HDGFL2: variants seen among roughly 807,000 people sequenced by gnomAD.
The protein encoded by HDGFL2 is HDGF like 2, also known as hepatoma-derived growth factor-related protein 2.
A neutral mutation model predicts 77.1 loss-of-function variants in HDGFL2; 36 were observed. The ratio of observed to expected loss-of-function variants is 0.47; its 90% CI spans 0.36 to 0.62. HDGFL2 has a LOEUF of 0.62. Ranked by LOEUF, HDGFL2 falls within the 20% of genes least tolerant of loss-of-function variation. The pLI, the probability that HDGFL2 is intolerant of heterozygous loss-of-function variation, is 0.00. For missense variants in HDGFL2, 976 were observed against 973.4 expected, an observed-to-expected ratio of 1.00 and a Z score of -0.04; for synonymous variants, 463 against 413.1, an observed-to-expected ratio of 1.12 and a Z score of -1.46.
intron 9 of HDGFL2, among the ~76,000 whole-genome samples, chr19:4,494,882 T>C (rs1975660115): frequency 6.6e-6 from 1 of 151,986 alleles, no homozygotes; most frequent in Non-Finnish European, 1.5e-5. Flanking sequence ...ATCAATCCAC[T>C]GCACTCCAGC....
chr19:4,494,706 G>A (rs78333770), intron 9 of HDGFL2, among the ~76,000 whole-genome samples: 3,724 of 152,088 alleles, frequency 0.024, 160 homozygotes, highest in African/African-American at 0.086. Flanking sequence ...GATTACTTGA[G>A]TCCAGCTCGA....
In HDGFL2 at chr19:4,488,578, G is replaced by A. The variant is rs180872286; in HGVS notation, c.289-98G>A. The stretch of plus-strand genomic sequence containing the variant: ...AGGAGACAACACGCCTGACATTCAG[G>A]ATCCCGCATGTGGTTGCCGTCCTCT... On this transcript the variant is annotated intron_variant, in intron 3 of 15. Transcript: ENST00000616600. The A allele has an allele frequency of 3.3e-3, 3,574 of 1,085,740 alleles. 12 individuals are homozygous for A. The highest frequency in any genetic ancestry group is 8.2e-3 in the Middle Eastern group (27 of 3,310). 67.3% of individuals were successfully genotyped at this position (1,085,740 alleles called of 1,614,324 possible).
At chr19:4,490,807 C>CT (rs34565005) in intron 4 of HDGFL2, among the ~76,000 whole-genome samples, 19 of 144,994 alleles carry the variant, frequency 1.3e-4, no homozygotes, top group South Asian at 4.4e-4. Flanking sequence ...TTTTTTTTCT[C>CT]TTTTTTTTTT....
chr19:4,485,406 C>T (rs1339338480), intron 3 of HDGFL2, among the ~76,000 whole-genome samples: 2 of 151,998 alleles, frequency 1.3e-5, no homozygotes, highest in Non-Finnish European at 2.9e-5. Context: ...TATCAGTTAA[C>T]GGACATTTGG....
At chr19:4,495,109 TG>T (rs1975666127) in intron 9 of HDGFL2, among the ~76,000 whole-genome samples, 1 of 151,750 alleles carries the variant, frequency 6.6e-6, no homozygotes, top group South Asian at 2.1e-4. Flanking sequence ...CCGAATGGGC[TG>T]GGCGCAGTGG....
rs1382789998 is a variant in HDGFL2 at position 4,474,084 on chromosome 19, A to G, written c.73-1191A>G. Among the ~76,000 whole-genome samples the G allele has an allele frequency of 2.0e-5, 3 of 152,014 alleles. No individual in the cohort carries two copies. In the East Asian group the frequency reaches 5.8e-4, roughly 29 times the overall value. On this transcript the variant is annotated intron_variant, in intron 1 of 15. Coordinates refer to ENST00000616600, the MANE Select transcript of HDGFL2 (RefSeq NM_001001520.3). ...GCCCTGAGAGGTACAGGCCAGCGGG[A>G]AGCAGGGACCCCAGGCTATTGTCAT...
intron 3 of HDGFL2, among the ~76,000 whole-genome samples, chr19:4,477,770 A>G (rs1321426484): frequency 6.6e-6 from 1 of 152,120 alleles, no homozygotes; most frequent in Non-Finnish European, 1.5e-5. Context: ...ATGCTTCTAG[A>G]TGGAACGTGT....
chr19:4,493,651 G>A (rs1975609151), intron 6 of HDGFL2, 52 bp from the exon 7 acceptor site: 7 of 1,392,168 alleles, frequency 5.0e-6, no homozygotes, highest in African/African-American at 3.0e-5. Flanking sequence ...GGTGCGCCCC[G>A]CTTCTCACGG....
chr19:4,478,367 T>C (rs929768046), intron 3 of HDGFL2, among the ~76,000 whole-genome samples: 3 of 151,760 alleles, frequency 2.0e-5, no homozygotes, highest in Non-Finnish European at 4.4e-5. Flanking sequence ...CATGCCTGGC[T>C]AATTTTGTAT....
intron 4 of HDGFL2, 77 bp downstream of exon 4, chr19:4,488,953 T>A (rs1455918291): frequency 7.6e-5 from 3 of 39,454 alleles, no homozygotes; most frequent in Non-Finnish European, 1.2e-4. Flanking sequence ...TCTCCTGCCC[T>A]TTTTTTTTTT....
At position 4,494,777 on chromosome 19, in the gene HDGFL2, G is replaced by C. The variant is rs543873283; in HGVS notation, c.1224+302G>C. 2.0e-5 allele frequency among the ~76,000 whole-genome samples: 3 copies of C among 152,260 alleles called. No individual in the cohort carries two copies. The East Asian group carries it at 5.8e-4, about 29-fold the overall frequency. On this transcript the variant is annotated intron_variant, in intron 9 of 15. Coordinates refer to ENST00000616600, the MANE Select transcript of HDGFL2 (RefSeq NM_001001520.3). ...ATAAAAACCTTAAAAAATTAGCTGG[G>C]CGTGGTGGTGTGCGCCTGTATAGTC... is the stretch of plus-strand genomic sequence containing the variant.
intron 9 of HDGFL2, 68 bp from the exon 10 acceptor site, chr19:4,496,234 G>A: frequency 7.8e-7 from 1 of 1,286,542 alleles, no homozygotes; most frequent in Non-Finnish European, 1.1e-6. Flanking sequence ...CCTGGTAGTG[G>A]GATGGGCTAG....
chr19:4,485,157 C>G (rs1158335178), intron 3 of HDGFL2, among the ~76,000 whole-genome samples: 1 of 152,164 alleles, frequency 6.6e-6, no homozygotes, highest in East Asian at 1.9e-4. Context: ...TAGGTATCCC[C>G]CCAATTCTCT....
At chr19:4,498,466 C>A in intron 12 of HDGFL2, 90 bp downstream of exon 12, 1 of 1,070,560 alleles carries the variant, frequency 9.3e-7, no homozygotes, top group Non-Finnish European at 1.4e-6. Context: ...TGAGGCAAAG[C>A]CGGGGTCCTG....
Position 4,494,459 on chromosome 19 carries a change from C to T in HDGFL2, c.1208C>T (p.Ala403Val). Reference protein sequence around the residue: ...PPSSSDSEPEAELEREAKKSA... With the variant: ...PPSSSDSEPEVELEREAKKSA... ...TCCTCCTCTGACTCCGAGCCCGAGG[C>T]CGAGCTGGAGAGAGAGGTGAGCCGG... Residue 403 changes from alanine (A) to valine (V), a missense_variant, in exon 9 of 16, where the codon GCC becomes GTC. Around this residue, in one of 5 missense-constraint regions of HDGFL2, gnomAD observed 567 missense variants for 534.7 expected, o/e 1.06. Coordinates refer to ENST00000616600, the MANE Select transcript of HDGFL2 (RefSeq NM_001001520.3). 7.2e-7 allele frequency: 1 copy of T among 1,395,978 alleles called. No individual in the cohort carries two copies. The highest frequency in any genetic ancestry group is 9.3e-7 in the Non-Finnish European group (1 of 1,080,110). 86.5% of individuals were successfully genotyped at this position (1,395,978 alleles called of 1,614,324 possible). A position where few individuals can be genotyped will look rare whatever the true frequency, so the allele number is the denominator to read the frequency against.
intron 1 of HDGFL2, among the ~76,000 whole-genome samples, chr19:4,473,146 C>G (rs1045761925): frequency 2.0e-5 from 3 of 148,324 alleles, no homozygotes; most frequent in African/African-American, 7.5e-5. Flanking sequence ...GGGTCTGGGG[C>G]CTGATAAATT....
chr19:4,472,450 T>TG (rs57169858), intron 1 of HDGFL2, 28 bp downstream of exon 1: 6,560 of 282,444 alleles, frequency 0.023, 39 homozygotes, highest in African/African-American at 0.063. Context: ...ATGGGGCCGG[T>TG]GGGGGGGGGG....
chr19:4,487,624 T>TA (rs374306360), intron 3 of HDGFL2, among the ~76,000 whole-genome samples: 38 of 152,302 alleles, frequency 2.5e-4, no homozygotes, highest in Non-Finnish European at 4.4e-4. Context: ...TGGAATTGTC[T>TA]GTGTTTAAAT....
rs574911301 is a variant in HDGFL2, at chr19:4,501,872, G to A, written c.1917-39G>A. The stretch of plus-strand genomic sequence containing the variant: ...ACCGCCCTACAGGCAGGGCAGGGGC[G>A]GGAGGGCATCCTCACACCGCCTTTG... On this transcript the variant is annotated intron_variant, in intron 15 of 15. Transcript: ENST00000616600. 3.0e-5 allele frequency: 41 copies of A among 1,388,554 alleles called. No homozygotes were observed. The East Asian group carries it at 3.5e-4, about 12-fold the overall frequency. 86.0% of individuals were successfully genotyped at this position (1,388,554 alleles called of 1,614,324 possible). A position where few individuals can be genotyped will look rare whatever the true frequency, so the allele number is the denominator to read the frequency against.
Sources: allele counts gnomAD v4.1 joint callset (sites outside exome capture counted in the v4.1 genomes callset), GRCh38; gene constraint gnomAD v4.1.1; regional missense constraint gnomAD v4.1.1; transcripts MANE v1.5; gene names NCBI Gene and HGNC (gene_info 2026-07-23, HGNC 2026-07-21).